The following SLC16A12 variants were observed in gnomAD, a reference collection of about 807,000 sequenced individuals.
SLC16A12 encodes the protein solute carrier family 16 member 12, also known as monocarboxylate transporter 12.
A neutral mutation model predicts 42.4 loss-of-function variants in SLC16A12; 17 were observed. The ratio of observed to expected loss-of-function variants is 0.40; its 90% confidence interval spans 0.27 to 0.60. The LOEUF (loss-of-function observed/expected upper bound fraction) is 0.60. Ranked by LOEUF, SLC16A12 falls within the 20% of genes least tolerant of loss-of-function variation. The pLI is 0.42. For missense variants in SLC16A12, 544 were observed against 623.0 expected (o/e 0.87, Z 1.35); for synonymous variants, 224 against 229.4 (o/e 0.98, Z 0.21).
At chr10:89,526,677 A>T (rs1056976130) in intron 2 of SLC16A12, among the ~76,000 whole-genome samples, 2 of 152,252 alleles carry the variant, frequency 1.3e-5, no homozygotes, top group African/African-American at 4.8e-5. Context: ...CAAATATGTG[A>T]AATCAAGCAC....
chr10:89,529,843 C>T (rs928779336), intron 2 of SLC16A12, among the ~76,000 whole-genome samples: 23 of 152,280 alleles, frequency 1.5e-4, no homozygotes, highest in Admixed American at 9.8e-4. Context: ...CCACTGCACC[C>T]GGCCTCCTTT....
At chr10:89,486,696 AAAG>A (rs1222831261) in intron 2 of SLC16A12, among the ~76,000 whole-genome samples, 11 of 141,830 alleles carry the variant, frequency 7.8e-5, no homozygotes, top group African/African-American at 3.1e-4. Context: ...AAAGAAAAGA[AAAG>A]AAAAAAGAAA....
chr10:89,536,834 AATT>A (rs965450312), upstream of SLC16A12, among the ~76,000 whole-genome samples: 2 of 151,832 alleles, frequency 1.3e-5, no homozygotes, highest in African/African-American at 2.4e-5. Context: ...GGCTTTTTGG[AATT>A]ATTATTATTA....
At chr10:89,481,701 GTGT>G (rs1564583992) in intron 2 of SLC16A12, among the ~76,000 whole-genome samples, 1 of 150,516 alleles carries the variant, frequency 6.6e-6, no homozygotes, top group Non-Finnish European at 1.5e-5. Flanking sequence ...GTGTGTGTGT[GTGT>G]AAAACAAAAA....
intron 2 of SLC16A12, among the ~76,000 whole-genome samples, chr10:89,546,381 A>G (rs914166866): frequency 2.6e-5 from 4 of 152,240 alleles, no homozygotes; most frequent in African/African-American, 9.6e-5. Flanking sequence ...AAGGATATGG[A>G]CAGACAATTC....
chr10:89,473,729 G>A (rs1842536730), intron 2 of SLC16A12, among the ~76,000 whole-genome samples: 1 of 151,962 alleles, frequency 6.6e-6, no homozygotes, highest in Non-Finnish European at 1.5e-5. Flanking sequence ...ACTCTTTTAG[G>A]GTACCTTTGT....
chr10:89,442,987 C>G (rs1308784658), intron 4 of SLC16A12, among the ~76,000 whole-genome samples: 5 of 152,146 alleles, frequency 3.3e-5, no homozygotes, highest in Non-Finnish European at 7.4e-5. Context: ...TTGATTTAAT[C>G]TTAGAAACTC....
intron 3 of SLC16A12, among the ~76,000 whole-genome samples, chr10:89,446,690 A>C (rs1196769402): frequency 1.3e-5 from 2 of 152,228 alleles, no homozygotes; most frequent in African/African-American, 4.8e-5. Flanking sequence ...CTAGGAAGAA[A>C]CTGCATCAAC....
chr10:89,555,544 TATATACGTATATATAC>T (rs1843807152), intron 2 of SLC16A12, among the ~76,000 whole-genome samples: 1 of 142,776 alleles, frequency 7.0e-6, no homozygotes, highest in African/African-American at 2.7e-5. Flanking sequence ...CGTATGTATG[TATATACGTATATATAC>T]ATATACGTAT....
chr10:89,504,681 T>C (rs1174045684), intron 2 of SLC16A12, among the ~76,000 whole-genome samples: 3 of 152,174 alleles, frequency 2.0e-5, no homozygotes, highest in Non-Finnish European at 4.4e-5. Context: ...TTAACAAAGA[T>C]GACCAGCCAA....
chr10:89,459,393 A>G (rs1166886374), intron 3 of SLC16A12, among the ~76,000 whole-genome samples: 2 of 151,590 alleles, frequency 1.3e-5, no homozygotes, highest in African/African-American at 2.4e-5. Context: ...TTGTGTGTGT[A>G]TGTGTATGTT....
At chr10:89,518,591 C>T (rs950720382) in intron 2 of SLC16A12, among the ~76,000 whole-genome samples, 1 of 152,098 alleles carries the variant, frequency 6.6e-6, no homozygotes. Flanking sequence ...TTAAAAAATT[C>T]AAATCTGGAA....
chr10:89,552,208 A>G (rs1172767174), intron 2 of SLC16A12, among the ~76,000 whole-genome samples: 1 of 152,244 alleles, frequency 6.6e-6, no homozygotes, highest in African/African-American at 2.4e-5. Flanking sequence ...TCCTGGGATT[A>G]CAGGCGTGAG....
At chr10:89,509,826 G>T (rs957714065) in intron 2 of SLC16A12, among the ~76,000 whole-genome samples, 5 of 152,260 alleles carry the variant, frequency 3.3e-5, no homozygotes, top group African/African-American at 1.2e-4. Flanking sequence ...TGACATAATT[G>T]TATATTTAGA....
intron 2 of SLC16A12, among the ~76,000 whole-genome samples, chr10:89,524,615 G>C (rs572505779): frequency 6.6e-6 from 1 of 152,316 alleles, no homozygotes; most frequent in South Asian, 2.1e-4. Context: ...CATAGCAGAT[G>C]ATCACTTATG....
intron 2 of SLC16A12, among the ~76,000 whole-genome samples, chr10:89,505,349 A>G (rs1320086428): frequency 6.6e-6 from 1 of 151,976 alleles, no homozygotes; most frequent in Non-Finnish European, 1.5e-5. Flanking sequence ...TGGGAGGTGG[A>G]GGTTGCAGTG....
At chr10:89,539,865 CTTT>C (rs1843701405), upstream of SLC16A12, among the ~76,000 whole-genome samples, 6 of 131,372 alleles carry the variant, frequency 4.6e-5, no homozygotes, top group South Asian at 1.2e-3. Context: ...ATTTTTCTTT[CTTT>C]CTTTCTTTCT....
chr10:89,492,345 C>G (rs1842858277), intron 2 of SLC16A12, among the ~76,000 whole-genome samples: 1 of 151,936 alleles, frequency 6.6e-6, no homozygotes, highest in African/African-American at 2.4e-5. Flanking sequence ...TTTTGATCTT[C>G]CCTTTTATAT....
chr10:89,445,454 G>C (rs1841985573), intron 3 of SLC16A12, among the ~76,000 whole-genome samples: 1 of 152,210 alleles, frequency 6.6e-6, no homozygotes, highest in Non-Finnish European at 1.5e-5. Context: ...GGTGATACCA[G>C]GCAAACAGGG....
Sources: allele counts gnomAD v4.1 joint callset (sites outside exome capture counted in the v4.1 genomes callset), GRCh38; gene constraint gnomAD v4.1.1; transcripts MANE v1.5; gene names NCBI Gene and HGNC (gene_info 2026-07-23, HGNC 2026-07-21).